The following CLIP4 variants were observed in gnomAD, a reference collection of about 807,000 sequenced individuals.
CLIP4 encodes CAP-Gly domain-containing linker protein 4.
In CLIP4, 47 loss-of-function variants were observed where a neutral mutation model predicts 73.1. The ratio of observed to expected loss-of-function variants is 0.64; its 90% confidence interval spans 0.51 to 0.82. The LOEUF is 0.82. CLIP4 is among the 40% of genes least tolerant of loss of function. The pLI is 0.00. For synonymous variants in CLIP4, 306 were observed against 295.4 expected (o/e 1.04, Z -0.37); for missense variants, 874 against 852.9 (o/e 1.02, Z -0.31).
intron 14 of CLIP4, among the ~76,000 whole-genome samples, chr2:29,173,087 T>C (rs1354132608): frequency 2.6e-5 from 4 of 152,226 alleles, no homozygotes; most frequent in African/African-American, 9.6e-5. Flanking sequence ...TGTGAGATGC[T>C]TGTTTTGCTC....
At chr2:29,131,459 T>C in intron 3 of CLIP4, 62 bp downstream of exon 3, 4 of 1,506,574 alleles carry the variant, frequency 2.7e-6, no homozygotes, top group Non-Finnish European at 3.6e-6. Flanking sequence ...TAGATTTTTT[T>C]CCCCATCTGA....
intron 9 of CLIP4, among the ~76,000 whole-genome samples, chr2:29,154,705 G>GC (rs1247853883): frequency 1.3e-5 from 2 of 152,196 alleles, no homozygotes; most frequent in East Asian, 3.8e-4. Context: ...AGGTCTTCTT[G>GC]CAAGTGGTGT....
At chr2:29,121,134 T>C (rs566065998) in intron 1 of CLIP4, among the ~76,000 whole-genome samples, 1 of 152,302 alleles carries the variant, frequency 6.6e-6, no homozygotes, top group South Asian at 2.1e-4. Context: ...TTTATATTCC[T>C]TTTGAGCTTT....
chr2:29,107,994 C>CTT (rs540853343), intron 1 of CLIP4, among the ~76,000 whole-genome samples: 13,260 of 145,538 alleles, frequency 0.091, 640 homozygotes, highest in Non-Finnish European at 0.1. Context: ...CTTGGAGTTT[C>CTT]TTTTTTTTTT....
intron 2 of CLIP4, chr2:29,130,503 A>G (rs1664897670): frequency 2.8e-6 from 1 of 352,320 alleles, no homozygotes; most frequent in Non-Finnish European, 4.6e-6. Context: ...TTCAAGCTTC[A>G]TGTGCAGTTT....
In CLIP4 at chr2:29,115,572, C is replaced by T. The variant is rs1162335837; in HGVS notation, c.-109C>T. 2 of 147,044 alleles carry T rather than the reference C, an allele frequency of 1.4e-5. No homozygotes were observed. The highest frequency in any genetic ancestry group is 1.4e-4 in the Admixed American group (2 of 14,804). The allele number at this position is 147,044 out of a possible 1,614,324, so 9.1% of individuals were successfully genotyped here. On this transcript the variant is annotated 5_prime_UTR_variant, in exon 1 of 16. In the 5' UTR this introduces an upstream ATG that the reference lacks. Coordinates refer to ENST00000320081, the MANE Select transcript of CLIP4 (RefSeq NM_024692.6). This position sits in a 1 kb window ranked among gnomAD's most constrained non-coding sequence, Gnocchi z 5.1. ...CGGCGGGAGGCTCCGTGGGCGGCCA[C>T]GGGAGACAGCGCCGGCGGGAGCGCG...
intron 2 of CLIP4, chr2:29,130,140 T>C (rs1172239681): frequency 1.3e-5 from 6 of 458,964 alleles, no homozygotes; most frequent in Middle Eastern, 3.3e-4. Context: ...TAGAACTCCA[T>C]GGCTGGGTGA....
At chr2:29,179,254 A>G (rs1265946174) in intron 15 of CLIP4, among the ~76,000 whole-genome samples, 1 of 151,998 alleles carries the variant, frequency 6.6e-6, no homozygotes, top group African/African-American at 2.4e-5. Flanking sequence ...TTTTAATCAC[A>G]TGTAAAATAA....
chr2:29,116,948 A>C (rs1265346581), intron 1 of CLIP4, among the ~76,000 whole-genome samples: 2 of 152,184 alleles, frequency 1.3e-5, no homozygotes, highest in African/African-American at 4.8e-5. Context: ...CACGTGTTTG[A>C]AACTAGTGAT....
At chr2:29,121,348 C>A (rs1446472425) in intron 1 of CLIP4, 26 bp from the exon 2 acceptor site, 1 of 1,559,944 alleles carries the variant, frequency 6.4e-7, no homozygotes, top group African/African-American at 1.4e-5. Flanking sequence ...AAAGTAGAAA[C>A]ACTTTTTTTT....
At chr2:29,162,816 T>C (rs1193803556) in intron 12 of CLIP4, among the ~76,000 whole-genome samples, 2 of 152,184 alleles carry the variant, frequency 1.3e-5, no homozygotes, top group Admixed American at 6.5e-5. Flanking sequence ...CATCTTTTTA[T>C]ACATAGAGGA....
At chr2:29,169,503 T>A (rs992625278) in intron 14 of CLIP4, among the ~76,000 whole-genome samples, 2 of 152,192 alleles carry the variant, frequency 1.3e-5, no homozygotes, top group African/African-American at 2.4e-5. Flanking sequence ...TATAGTCACA[T>A]TCTGAAATGC....
intron 1 of CLIP4, among the ~76,000 whole-genome samples, chr2:29,101,971 G>A (rs1457128993): frequency 6.6e-6 from 1 of 152,168 alleles, no homozygotes; most frequent in African/African-American, 2.4e-5. Flanking sequence ...TGTGCACATA[G>A]GAGGAAAGCA....
intron 6 of CLIP4, among the ~76,000 whole-genome samples, chr2:29,137,132 CCAAA>C (rs1665422695): frequency 6.6e-6 from 1 of 151,828 alleles, no homozygotes; most frequent in Admixed American, 6.6e-5. Context: ...ACGCCGTCAC[CCAAA>C]CAGTGAACAT....
At chr2:29,135,182 C>G (rs1291014283) in intron 5 of CLIP4, among the ~76,000 whole-genome samples, 1 of 152,166 alleles carries the variant, frequency 6.6e-6, no homozygotes, top group Non-Finnish European at 1.5e-5. Context: ...GAGCTAAACT[C>G]TACTACTCTA....
intron 2 of CLIP4, among the ~76,000 whole-genome samples, chr2:29,130,245 A>G (rs111937478): frequency 0.09 from 13,691 of 152,222 alleles, 686 homozygotes; most frequent in Non-Finnish European, 0.099. Context: ...TCTGACATCA[A>G]AAACTGTCAA....
At chr2:29,156,489 G>A (rs779990102) in intron 10 of CLIP4, 46 bp downstream of exon 10, 10 of 1,355,530 alleles carry the variant, frequency 7.4e-6, no homozygotes, top group Non-Finnish European at 1.0e-5. Flanking sequence ...AACTTTTGAT[G>A]GAACTTTAAA....
chr2:29,163,729 A>G (rs1667431138), intron 12 of CLIP4, 102 bp from the exon 13 acceptor site: 1 of 1,167,958 alleles, frequency 8.6e-7, no homozygotes, highest in Non-Finnish European at 1.2e-6. Context: ...CATTTTGGTC[A>G]TTTATGGAAA....
chr2:29,111,464 A>G (rs1356822181), upstream of CLIP4, among the ~76,000 whole-genome samples: 2 of 152,252 alleles, frequency 1.3e-5, no homozygotes, highest in Non-Finnish European at 1.5e-5. Flanking sequence ...TTTAAAACAT[A>G]GACCAGCATA....
Sources: allele counts gnomAD v4.1 joint callset (sites outside exome capture counted in the v4.1 genomes callset), GRCh38; gene constraint gnomAD v4.1.1; non-coding constraint Gnocchi (gnomAD v3.1); transcripts MANE v1.5; gene names NCBI Gene and HGNC (gene_info 2026-07-23, HGNC 2026-07-21).